DLGAP2: variants seen among roughly 807,000 people sequenced by gnomAD.
DLGAP2 encodes the protein DLG associated protein 2.
In DLGAP2, 26 loss-of-function variants were observed where a neutral mutation model predicts 100.3. That is an observed-to-expected ratio of 0.26 (90% CI 0.19 to 0.36). DLGAP2 has a LOEUF of 0.36. Ranked by LOEUF, DLGAP2 falls within the 10% of genes least tolerant of loss-of-function variation. The pLI is 1.00. For synonymous variants in DLGAP2, 886 were observed against 630.1 expected, an observed-to-expected ratio of 1.41 and a Z score of -6.08; for missense variants, 1,858 against 1,453.2, an observed-to-expected ratio of 1.28 and a Z score of -4.53.
At chr8:946,955 C>G (rs960765716) in intron 2 of DLGAP2, among the ~76,000 whole-genome samples, 1 of 152,146 alleles carries the variant, frequency 6.6e-6, no homozygotes, top group Non-Finnish European at 1.5e-5. Flanking sequence ...GCGCACCGGG[C>G]GAGGGCTCTG....
chr8:1,205,562 C>A (rs1057126650), intron 2 of DLGAP2, among the ~76,000 whole-genome samples: 1 of 152,186 alleles, frequency 6.6e-6, no homozygotes, highest in African/African-American at 2.4e-5. Flanking sequence ...AGGAAGCACC[C>A]TGGGAGCTTT....
chr8:1,326,574 G>A (rs888084964), intron 3 of DLGAP2, among the ~76,000 whole-genome samples: 9 of 151,608 alleles, frequency 5.9e-5, no homozygotes, highest in Non-Finnish European at 8.8e-5. Flanking sequence ...GTCTCAGTCC[G>A]GGCTTGTCAC....
chr8:1,571,453 A>G (rs533844429), intron 6 of DLGAP2, among the ~76,000 whole-genome samples: 79 of 81,202 alleles, frequency 9.7e-4, no homozygotes, highest in African/African-American at 3.4e-3. Flanking sequence ...GATGGAGAGG[A>G]GAGAGGGGTG....
chr8:1,617,697 G>A (rs1338910868), intron 6 of DLGAP2, among the ~76,000 whole-genome samples: 1 of 152,142 alleles, frequency 6.6e-6, no homozygotes, highest in Admixed American at 6.5e-5. Context: ...CTTTTGCTGT[G>A]CAGAAGCTCT....
intron 3 of DLGAP2, among the ~76,000 whole-genome samples, chr8:1,427,261 GCAGA>G (rs1317748027): frequency 2.0e-5 from 3 of 152,096 alleles, no homozygotes; most frequent in East Asian, 1.9e-4. Flanking sequence ...AATTGCTCAA[GCAGA>G]CAAATTAGTG....
At chr8:1,375,130 C>A (rs62484164) in intron 3 of DLGAP2, among the ~76,000 whole-genome samples, 2 of 112,416 alleles carry the variant, frequency 1.8e-5, no homozygotes, top group South Asian at 3.3e-4. Context: ...GTTAACGACA[C>A]CTCTCCACGA....
At position 1,626,729 on chromosome 8, in the gene DLGAP2, C is replaced by G. The variant is rs988753524; in HGVS notation, c.1443-11C>G. ...CACAGAATGCCTTTTCTCCTTTCTTCTTTCCTGTAGCCAGACCTACCTGCA... is the reference window on the plus strand; with the variant it reads ...CACAGAATGCCTTTTCTCCTTTCTTGTTTCCTGTAGCCAGACCTACCTGCA... On this transcript the variant is annotated splice_polypyrimidine_tract_variant and intron_variant, in intron 6 of 14. Coordinates refer to ENST00000637795, the MANE Select transcript of DLGAP2 (RefSeq NM_001346810.2). 1.3e-6 allele frequency: 2 copies of G among 1,590,762 alleles called. No homozygotes were observed. Among genetic ancestry groups the G allele is most frequent in the Non-Finnish European group, 8.6e-7 (1 of 1,168,890 alleles).
At position 965,100 on chromosome 8, in the gene DLGAP2, C is replaced by T. The variant is rs562318339; in HGVS notation, c.73+57134C>T. On this transcript the variant is annotated intron_variant, in intron 2 of 14. Coordinates refer to ENST00000637795, the MANE Select transcript of DLGAP2 (RefSeq NM_001346810.2). ...TGCACACGGCAGTGTTCATCACACA[C>T]GCGGCTCCAGAGCCCGACCCCCGCA... 6.1e-4 allele frequency among the ~76,000 whole-genome samples: 90 copies of T among 146,608 alleles called. 1 individual carries two copies. The highest frequency in any genetic ancestry group is 1.8e-3 in the South Asian group (8 of 4,530).
intron 2 of DLGAP2, among the ~76,000 whole-genome samples, chr8:1,107,811 C>A (rs946008722): frequency 6.6e-6 from 1 of 152,204 alleles, no homozygotes; most frequent in Non-Finnish European, 1.5e-5. Context: ...TGTTTCCACA[C>A]CCATGTTGCA....
At position 1,278,319 on chromosome 8, in the gene DLGAP2, G is replaced by T. The variant is rs187766625; in HGVS notation, c.106+19436G>T. Reference sequence around the variant, plus strand: ...TGTAAGAACAGAATTAGACAGCATGGTCCTTGACTTGAAAGAGCCTCAGCT... The same window carrying T: ...TGTAAGAACAGAATTAGACAGCATGTTCCTTGACTTGAAAGAGCCTCAGCT... On this transcript the variant is annotated intron_variant, in intron 3 of 14. Coordinates refer to ENST00000637795, the MANE Select transcript of DLGAP2 (RefSeq NM_001346810.2). Among the ~76,000 whole-genome samples the T allele has an allele frequency of 6.6e-4, 100 of 152,260 alleles. No individual in the cohort carries two copies. The East Asian group carries it at 0.017, about 26-fold the overall frequency.
At chr8:751,560 T>C (rs1160802205) in intron 1 of DLGAP2, among the ~76,000 whole-genome samples, 15 of 151,862 alleles carry the variant, frequency 9.9e-5, no homozygotes, top group Non-Finnish European at 1.8e-4. Context: ...GTCCTTATAG[T>C]AAGTTCATCT....
At chr8:1,534,322 G>C (rs1801082120) in intron 4 of DLGAP2, among the ~76,000 whole-genome samples, 1 of 152,218 alleles carries the variant, frequency 6.6e-6, no homozygotes, top group Non-Finnish European at 1.5e-5. Flanking sequence ...CAGGAATAAT[G>C]AGATTAGGTT....
intron 1 of DLGAP2, among the ~76,000 whole-genome samples, chr8:825,354 T>A (rs1214719798): frequency 6.6e-6 from 1 of 152,170 alleles, no homozygotes; most frequent in Non-Finnish European, 1.5e-5. Flanking sequence ...CAGTTAGGAT[T>A]TGGGATCAGA....
chr8:1,668,206 T>G, intron 8 of DLGAP2, 123 bp from the exon 9 acceptor site: 3 of 854,058 alleles, frequency 3.5e-6, no homozygotes, highest in Non-Finnish European at 5.3e-6. Flanking sequence ...GCTATTTTTT[T>G]AGGCTAGACG....
intron 3 of DLGAP2, among the ~76,000 whole-genome samples, chr8:1,342,884 A>G (rs1801451208): frequency 6.6e-6 from 1 of 151,980 alleles, no homozygotes; most frequent in East Asian, 1.9e-4. Flanking sequence ...TTCCTTCTAA[A>G]CTGCTTTCTG....
chr8:1,498,343 A>G (rs1276742777), intron 3 of DLGAP2, among the ~76,000 whole-genome samples: 2 of 151,754 alleles, frequency 1.3e-5, no homozygotes, highest in Non-Finnish European at 2.9e-5. Flanking sequence ...CAGAATGTAG[A>G]TTTTCCTGCA....
chr8:1,464,527 C>A (rs1798565395), intron 3 of DLGAP2, among the ~76,000 whole-genome samples: 1 of 151,754 alleles, frequency 6.6e-6, no homozygotes, highest in Non-Finnish European at 1.5e-5. Context: ...AGGAAAGCAC[C>A]CTTCCAGGAC....
chr8:1,415,872 T>C (rs900152014), intron 3 of DLGAP2, among the ~76,000 whole-genome samples: 12 of 152,194 alleles, frequency 7.9e-5, no homozygotes, highest in Admixed American at 7.2e-4. Context: ...CTTTGAGAAA[T>C]CTTCAAGCTG....
chr8:1,620,868 A>G (rs1010146430), intron 6 of DLGAP2, among the ~76,000 whole-genome samples: 2 of 152,102 alleles, frequency 1.3e-5, no homozygotes, highest in African/African-American at 4.8e-5. Context: ...ATAAACATCA[A>G]GCTGTCTGGG....
Sources: allele counts gnomAD v4.1 joint callset (sites outside exome capture counted in the v4.1 genomes callset), GRCh38; gene constraint gnomAD v4.1.1; transcripts MANE v1.5; gene names NCBI Gene and HGNC (gene_info 2026-07-23, HGNC 2026-07-21).